TMEM132B: variants seen among roughly 807,000 people sequenced by gnomAD.
TMEM132B encodes the protein transmembrane protein 132B.
In TMEM132B, 18 loss-of-function variants were observed where a neutral mutation model predicts 90.8. That is an observed-to-expected ratio of 0.20 (90% CI 0.14 to 0.29). TMEM132B has a LOEUF of 0.29. TMEM132B is among the 10% of genes least tolerant of loss of function. The pLI is 1.00. For missense variants in TMEM132B, 1,096 were observed against 1,326.8 expected, an observed-to-expected ratio of 0.83 and a Z score of 2.70; for synonymous variants, 504 against 523.3, an observed-to-expected ratio of 0.96 and a Z score of 0.50.
intron 1 of TMEM132B, chr12:125,327,450 A>T (rs1016142205): frequency 1.3e-5 from 2 of 152,158 alleles, no homozygotes; most frequent in Admixed American, 1.3e-4. Context: ...TCCAAGTCCT[A>T]CCAGAATCTC....
In TMEM132B at chr12:125,243,042, C is replaced by CACACACACATACATATAT. The variant is rs1593053226; in HGVS notation, c.67+56185_67+56186insTACATATATACACACACA. On this transcript the variant is annotated intron_variant, in intron 1 of 8. Transcript: ENST00000682704. ...ATATATATATATATATACACACACA[C>CACACACACATACATATAT]ACACACACACATACATATATACACA... Among the ~76,000 whole-genome samples, 3 of 124,152 alleles carry CACACACACATACATATAT rather than the reference C, an allele frequency of 2.4e-5. 1 individual carries two copies. The East Asian group carries it at 7.2e-4, about 30-fold the overall frequency. The allele number at this position is 124,152 out of a possible 152,430, so 81.4% of individuals were successfully genotyped here.
intron 3 of TMEM132B, among the ~76,000 whole-genome samples, chr12:125,440,358 G>A (rs1345499357): frequency 6.6e-6 from 1 of 152,142 alleles, no homozygotes; most frequent in African/African-American, 2.4e-5. Flanking sequence ...ATTTAAGTAG[G>A]ACATAATGAA....
intron 1 of TMEM132B, among the ~76,000 whole-genome samples, chr12:125,203,930 C>G (rs1368592234): frequency 2.0e-5 from 3 of 152,172 alleles, no homozygotes; most frequent in Non-Finnish European, 4.4e-5. Flanking sequence ...CTATCAACTC[C>G]TGTGTATAAC....
At chr12:125,599,505 G>C (rs941471972) in intron 5 of TMEM132B, among the ~76,000 whole-genome samples, 12 of 152,142 alleles carry the variant, frequency 7.9e-5, no homozygotes, top group African/African-American at 2.9e-4. Flanking sequence ...CTCTCTGTGT[G>C]GCCTATGGTG....
chr12:125,193,756 G>C (rs1429458223), intron 1 of TMEM132B, among the ~76,000 whole-genome samples: 4 of 152,150 alleles, frequency 2.6e-5, no homozygotes, highest in African/African-American at 4.8e-5. Context: ...TATAAATCGG[G>C]GCTAAGCACT....
intron 1 of TMEM132B, among the ~76,000 whole-genome samples, chr12:125,338,533 G>A (rs922476348): frequency 2.6e-5 from 4 of 152,188 alleles, no homozygotes; most frequent in African/African-American, 9.7e-5. Flanking sequence ...TGCCTGGAGT[G>A]GGTGTCTCAT....
intron 4 of TMEM132B, among the ~76,000 whole-genome samples, chr12:125,535,670 C>G (rs186518988): frequency 6.6e-6 from 1 of 152,304 alleles, no homozygotes; most frequent in Admixed American, 6.5e-5. Context: ...CTGCTGGATT[C>G]TTTTCTGAGA....
chr12:125,475,212 A>C (rs113779679), intron 3 of TMEM132B, among the ~76,000 whole-genome samples: 185 of 152,334 alleles, frequency 1.2e-3, no homozygotes, highest in African/African-American at 4.4e-3. Context: ...ACTCGCAAAC[A>C]ATCAATGGAC....
At chr12:125,502,293 A>G (rs1290637663) in intron 3 of TMEM132B, among the ~76,000 whole-genome samples, 1 of 152,176 alleles carries the variant, frequency 6.6e-6, no homozygotes, top group African/African-American at 2.4e-5. Context: ...CTATTTTATG[A>G]TGTGATAACA....
chr12:125,216,359 C>T (rs1268055887), intron 1 of TMEM132B, among the ~76,000 whole-genome samples: 1 of 152,182 alleles, frequency 6.6e-6, no homozygotes, highest in Non-Finnish European at 1.5e-5. Flanking sequence ...ATCAGGGTCC[C>T]ACCCTTATGA....
intron 1 of TMEM132B, among the ~76,000 whole-genome samples, chr12:125,318,882 A>C (rs938735701): frequency 5.3e-5 from 8 of 152,228 alleles, no homozygotes; most frequent in Non-Finnish European, 8.8e-5. Flanking sequence ...ATAATCAATT[A>C]AAAATATGTT....
At chr12:125,511,864 A>AG (rs1882989032) in intron 3 of TMEM132B, among the ~76,000 whole-genome samples, 2 of 151,352 alleles carry the variant, frequency 1.3e-5, no homozygotes, top group East Asian at 1.9e-4. Context: ...AAAAAAAAAA[A>AG]AAAAGAAAAG....
intron 1 of TMEM132B, among the ~76,000 whole-genome samples, chr12:125,195,414 T>TTC (rs1319881176): frequency 2.0e-5 from 3 of 148,242 alleles, no homozygotes; most frequent in Non-Finnish European, 3.0e-5. Context: ...TTTTTTTTTT[T>TTC]TGAGATGGAG....
intron 1 of TMEM132B, among the ~76,000 whole-genome samples, chr12:125,201,207 G>A (rs887405778): frequency 3.9e-5 from 6 of 152,172 alleles, no homozygotes; most frequent in African/African-American, 9.6e-5. Flanking sequence ...AGGAGGTGTC[G>A]GCCTTGCTGT....
At chr12:125,288,296 C>G (rs892279762) in intron 1 of TMEM132B, among the ~76,000 whole-genome samples, 1 of 151,610 alleles carries the variant, frequency 6.6e-6, no homozygotes, top group East Asian at 2.0e-4. Context: ...AACCCCGTCT[C>G]TACTAAAAAT....
rs539538650 is a variant in TMEM132B, at chr12:125,516,143, TCACA to T, written c.1107-3292_1107-3289del. ...CACTATCGCAATCTCACACACACAC[TCACA>T]CACTATCACATTCTCACACACACAC... On this transcript the variant is annotated intron_variant, in intron 3 of 8. Transcript: ENST00000682704. Among the ~76,000 whole-genome samples the T allele has an allele frequency of 7.4e-3, 1,113 of 150,816 alleles. 14 individuals carry two copies. The highest frequency in any genetic ancestry group is 0.014 in the Middle Eastern group (4 of 294).
chr12:125,632,952 C>A (rs931288640), intron 5 of TMEM132B, among the ~76,000 whole-genome samples: 2 of 151,822 alleles, frequency 1.3e-5, no homozygotes, highest in African/African-American at 2.4e-5. Flanking sequence ...TTGAGAAGTT[C>A]TCTGTTATTA....
intron 5 of TMEM132B, among the ~76,000 whole-genome samples, chr12:125,593,234 T>C (rs1009474510): frequency 9.2e-5 from 14 of 152,258 alleles, no homozygotes; most frequent in Non-Finnish European, 1.9e-4. Context: ...GTGTCATATA[T>C]TTCCTGTTGG....
intron 3 of TMEM132B, among the ~76,000 whole-genome samples, chr12:125,430,573 A>G (rs747856906): frequency 6.6e-6 from 1 of 152,166 alleles, no homozygotes; most frequent in Non-Finnish European, 1.5e-5. Flanking sequence ...TGGTAGGTTG[A>G]TGGCCTGGGC....
Sources: gnomAD v4.1 joint callset for allele counts (sites outside exome capture counted in the v4.1 genomes callset) on GRCh38, gnomAD v4.1.1 for gene constraint, MANE v1.5 for transcripts, NCBI Gene and HGNC (gene_info 2026-07-23, HGNC 2026-07-21) for gene names.